Variants in RNF41 observed in about 807,000 individuals in gnomAD.
RNF41 encodes E3 ubiquitin-protein ligase NRDP1.
In RNF41, 4 loss-of-function variants were observed where a neutral mutation model predicts 33.0. That is an observed-to-expected ratio of 0.12 (90% CI 0.06 to 0.28). The LOEUF (loss-of-function observed/expected upper bound fraction) is 0.28, where lower values mean the gene tolerates loss of function less well. RNF41 is among the 10% of genes least tolerant of loss of function. RNF41 has a pLI of 1.00. For missense variants in RNF41, 228 were observed against 432.6 expected, an observed-to-expected ratio of 0.53 and a Z score of 4.19; for synonymous variants, 164 against 153.2, an observed-to-expected ratio of 1.07 and a Z score of -0.52.
chr12:56,209,866 A>C (rs998874850), intron 4 of RNF41, among the ~76,000 whole-genome samples: 1 of 152,220 alleles, frequency 6.6e-6, no homozygotes, highest in African/African-American at 2.4e-5. Flanking sequence ...GGCCTCCCAA[A>C]GTGCTAGGAT....
intron 6 of RNF41, 77 bp downstream of exon 6, chr12:56,207,569 G>A: frequency 8.9e-7 from 1 of 1,127,426 alleles, no homozygotes; most frequent in Non-Finnish European, 1.4e-6. Context: ...CCCTCCTTCT[G>A]CTACTCTCCT....
intron 1 of RNF41, among the ~76,000 whole-genome samples, chr12:56,220,018 AAAAT>A (rs60851148): frequency 0.13 from 18,320 of 139,264 alleles, 2,175 homozygotes; most frequent in African/African-American, 0.32. Flanking sequence ...CCCTGTCTCA[AAAAT>A]AAATAAATAA....
intron 3 of RNF41, 30 bp from the exon 4 acceptor site, chr12:56,210,598 C>G: frequency 6.2e-7 from 1 of 1,600,240 alleles, no homozygotes; most frequent in South Asian, 1.1e-5. Context: ...AAAAGGGGCG[C>G]AAGGGAATTA....
chr12:56,209,990 C>A, intron 4 of RNF41: 1 of 365,138 alleles, frequency 2.7e-6, no homozygotes, highest in Non-Finnish European at 5.1e-6. Context: ...GCAATTATAG[C>A]AGTCAACCTG....
chr12:56,207,931 C>T (rs1868304589), intron 5 of RNF41, among the ~76,000 whole-genome samples, 182 bp from the exon 6 acceptor site: 1 of 152,216 alleles, frequency 6.6e-6, no homozygotes, highest in Admixed American at 6.5e-5. Flanking sequence ...AATGTGCCTT[C>T]ACAGAGGAGG....
At chr12:56,215,717 CAAAAAAAAAAA>C (rs58103466) in intron 2 of RNF41, among the ~76,000 whole-genome samples, 10 of 74,520 alleles carry the variant, frequency 1.3e-4, no homozygotes, top group Admixed American at 4.3e-4. Flanking sequence ...GACTCTGTCT[CAAAAAAAAAAA>C]AAAAAAAAAA....
At chr12:56,221,082 C>CA (rs1869375358) in intron 1 of RNF41, among the ~76,000 whole-genome samples, 2 of 152,152 alleles carry the variant, frequency 1.3e-5, no homozygotes, top group Non-Finnish European at 2.9e-5. Flanking sequence ...AGCAGTCTGT[C>CA]AATCCCTCAA....
chr12:56,217,080 C>G (rs1427463948), intron 1 of RNF41, among the ~76,000 whole-genome samples: 2 of 149,612 alleles, frequency 1.3e-5, no homozygotes, highest in African/African-American at 4.9e-5. Flanking sequence ...CTGCAGCTTG[C>G]AGTGAGCCGA....
At chr12:56,217,124 A>G (rs1023981294) in intron 1 of RNF41, among the ~76,000 whole-genome samples, 3 of 151,318 alleles carry the variant, frequency 2.0e-5, no homozygotes, top group African/African-American at 7.3e-5. Context: ...TGGGCGACAC[A>G]GCAAGACTCC....
intron 1 of RNF41, among the ~76,000 whole-genome samples, chr12:56,217,498 A>C (rs1468521959): frequency 2.0e-5 from 3 of 152,090 alleles, no homozygotes; most frequent in Non-Finnish European, 4.4e-5. Context: ...CAGTGAGCCA[A>C]GATCGCGCCA....
At chr12:56,219,605 C>T (rs181222009) in intron 1 of RNF41, among the ~76,000 whole-genome samples, 2 of 151,372 alleles carry the variant, frequency 1.3e-5, no homozygotes, top group Non-Finnish European at 2.9e-5. Context: ...GGATTACAGG[C>T]GTGAGCCACT....
chr12:56,219,100 G>A (rs922395607), intron 1 of RNF41, among the ~76,000 whole-genome samples: 16 of 151,504 alleles, frequency 1.1e-4, no homozygotes, highest in South Asian at 2.1e-4. Flanking sequence ...CCACTTCCCA[G>A]GTTCAAACAA....
intron 2 of RNF41, among the ~76,000 whole-genome samples, chr12:56,215,996 C>A (rs1025633061): frequency 9.9e-5 from 15 of 151,930 alleles, no homozygotes; most frequent in African/African-American, 3.4e-4. Flanking sequence ...GTGGTGGGCA[C>A]CTGTAATCCT....
At position 56,215,289 on chromosome 12, in the gene RNF41, T is replaced by C. The variant is rs117270471; in HGVS notation, c.-24+1140A>G. On this transcript the variant is annotated intron_variant, in intron 2 of 6. Coordinates refer to ENST00000345093, the MANE Select transcript of RNF41 (RefSeq NM_005785.4). ...GGGTATGAGAGAGCCACTGAAGGACTTAAAAAACAATGTGATAATAGTTCC... is the reference window on the plus strand; with the variant it reads ...GGGTATGAGAGAGCCACTGAAGGACCTAAAAAACAATGTGATAATAGTTCC... Among the ~76,000 whole-genome samples the C allele has an allele frequency of 7.2e-3, 1,094 of 152,292 alleles. 5 individuals carry two copies. Among genetic ancestry groups the C allele is most frequent in the Middle Eastern group, 0.02 (6 of 294 alleles).
intron 4 of RNF41, chr12:56,209,967 T>G: frequency 6.4e-6 from 2 of 314,062 alleles, no homozygotes; most frequent in Non-Finnish European, 1.2e-5. Context: ...CAAGAGGAAA[T>G]ATGAGAAGGC....
Position 56,207,716 on chromosome 12 carries a change from G to A in RNF41, c.532C>T (p.Arg178Cys). The A allele has an allele frequency of 6.2e-7, 1 of 1,614,076 alleles. No homozygotes were observed. Among genetic ancestry groups the A allele is most frequent in the Non-Finnish European group, 8.5e-7 (1 of 1,179,918 alleles). The change falls in exon 6 of 7, where the codon CGT (arginine) becomes TGT (cysteine). Residue 178 changes from arginine (R) to cysteine (C), a missense_variant. Arg to Cys is a radical substitution (Grantham distance 180). Coordinates refer to ENST00000345093, the MANE Select transcript of RNF41 (RefSeq NM_005785.4). ...TTGGGGTTGACACTGCGGATTGCAC[G>A]CATGTATGCCTTTAGCAGCTGGATG... ...RDIQLLKAYM[R>C]AIRSVNPNLQ...
intron 2 of RNF41, among the ~76,000 whole-genome samples, chr12:56,215,040 G>A (rs145549221): frequency 6.6e-6 from 1 of 152,310 alleles, no homozygotes; most frequent in African/African-American, 2.4e-5. Context: ...TAGGGCAAGA[G>A]TCAGCTAAAT....
rs1868275623 is a variant in RNF41 at position 56,206,870 on chromosome 12, G to T, written c.603-72C>A. 8.7e-7 allele frequency: 1 copy of T among 1,149,476 alleles called. No individual in the cohort carries two copies. The highest frequency in any genetic ancestry group is 1.2e-6 in the Non-Finnish European group (1 of 813,306). The allele number at this position is 1,149,476 out of a possible 1,614,324, so 71.2% of individuals were successfully genotyped here. The stretch of plus-strand genomic sequence containing the variant: ...TCTGTATTGGCTTTTTCTGCTAATA[G>T]AAATAACTACCCACTCTGCACTCAG... On this transcript the variant is annotated intron_variant, in intron 6 of 6. Coordinates refer to ENST00000345093, the MANE Select transcript of RNF41 (RefSeq NM_005785.4). The surrounding 1 kb of genome is among the most constrained non-coding windows in gnomAD (Gnocchi z 5.7).
rs920096731 is a variant in RNF41 at position 56,202,202 on chromosome 12, T to A, written c.*4245A>T. 3.5e-5 allele frequency: 4 copies of A among 115,764 alleles called. No homozygotes were observed. The highest frequency in any genetic ancestry group is 2.7e-4 in the East Asian group (1 of 3,642). 7.2% of individuals were successfully genotyped at this position (115,764 alleles called of 1,614,324 possible). A position where few individuals can be genotyped will look rare whatever the true frequency, so the allele number is the denominator to read the frequency against. Reference sequence around the variant, plus strand: ...ACTGAAAGAGATGAAACAAAAAAAATTTTACTAGTATTAAAACAGATTAAG... The same window carrying A: ...ACTGAAAGAGATGAAACAAAAAAAAATTTACTAGTATTAAAACAGATTAAG... On this transcript the variant is annotated 3_prime_UTR_variant, in exon 7 of 7. Coordinates refer to ENST00000345093, the MANE Select transcript of RNF41 (RefSeq NM_005785.4).
Sources: allele counts gnomAD v4.1 joint callset (sites outside exome capture counted in the v4.1 genomes callset), GRCh38; gene constraint gnomAD v4.1.1; non-coding constraint Gnocchi (gnomAD v3.1); transcripts MANE v1.5; gene names NCBI Gene and HGNC (gene_info 2026-07-23, HGNC 2026-07-21).